The following RFX3 variants were observed in gnomAD, a reference collection of about 807,000 sequenced individuals.
The protein encoded by RFX3 is regulatory factor X3, also known as transcription factor RFX3.
In RFX3, 14 loss-of-function variants were observed where a neutral mutation model predicts 98.6. The ratio of observed to expected loss-of-function variants is 0.14; its 90% CI spans 0.09 to 0.22. The LOEUF (loss-of-function observed/expected upper bound fraction) is 0.22. RFX3 is among the 10% of genes least tolerant of loss of function. RFX3 has a pLI of 1.00. For missense variants in RFX3, 639 were observed against 926.9 expected (o/e 0.69, Z 4.03); for synonymous variants, 383 against 328.4 (o/e 1.17, Z -1.80).
chr9:3,459,617 A>G (rs1421316878), intron 1 of RFX3, among the ~76,000 whole-genome samples: 3 of 152,146 alleles, frequency 2.0e-5, no homozygotes, highest in African/African-American at 7.2e-5. Context: ...ACTTATTTAT[A>G]TAACTTTACA....
intron 1 of RFX3, among the ~76,000 whole-genome samples, chr9:3,470,354 G>A (rs1173792976): frequency 7.0e-6 from 1 of 142,916 alleles, no homozygotes; most frequent in Non-Finnish European, 1.5e-5. Flanking sequence ...TCACTCTGTC[G>A]CCCAGGCTGG....
intron 12 of RFX3, among the ~76,000 whole-genome samples, chr9:3,264,445 T>A (rs1823349991): frequency 6.6e-6 from 1 of 152,108 alleles, no homozygotes; most frequent in South Asian, 2.1e-4. Context: ...ACATGAGATG[T>A]TTGAGGACTA....
chr9:3,452,897 T>G (rs1289158642), intron 1 of RFX3, among the ~76,000 whole-genome samples: 1 of 152,174 alleles, frequency 6.6e-6, no homozygotes, highest in Non-Finnish European at 1.5e-5. Context: ...TCCAGGAGAT[T>G]AGACTAAAAT....
intron 1 of RFX3, among the ~76,000 whole-genome samples, chr9:3,442,792 A>G (rs1298784116): frequency 6.6e-6 from 1 of 152,224 alleles, no homozygotes; most frequent in Non-Finnish European, 1.5e-5. Flanking sequence ...AAGCTTCTGG[A>G]AGAAGACATA....
At chr9:3,225,539 A>T (rs41314213) in intron 16 of RFX3, among the ~76,000 whole-genome samples, 2,114 of 131,330 alleles carry the variant, frequency 0.016, 23 homozygotes, top group Admixed American at 0.021. Context: ...TAACTTTTTT[A>T]AAAAAAAAGG....
chr9:3,408,081 A>G (rs768992710), intron 1 of RFX3, among the ~76,000 whole-genome samples: 11 of 152,210 alleles, frequency 7.2e-5, no homozygotes, highest in Admixed American at 4.6e-4. Flanking sequence ...AAGAAGGGGC[A>G]ATCTCAATTC....
intron 1 of RFX3, among the ~76,000 whole-genome samples, chr9:3,519,746 C>G (rs1307833095): frequency 1.3e-5 from 2 of 152,068 alleles, no homozygotes; most frequent in African/African-American, 4.8e-5. Context: ...AAGAACAAAA[C>G]CTATTTATAC....
At chr9:3,284,565 A>AAAGC (rs1167171934) in intron 7 of RFX3, among the ~76,000 whole-genome samples, 4 of 151,688 alleles carry the variant, frequency 2.6e-5, no homozygotes, top group Non-Finnish European at 5.9e-5. Flanking sequence ...ATCAATATGC[A>AAAGC]AAGCAGTTGT....
At chr9:3,518,149 A>C (rs1818357196) in intron 1 of RFX3, among the ~76,000 whole-genome samples, 1 of 152,328 alleles carries the variant, frequency 6.6e-6, no homozygotes, top group Non-Finnish European at 1.5e-5. Flanking sequence ...AGGCTATACC[A>C]TCTAGGTGTG....
At chr9:3,357,579 G>A (rs1214262278) in intron 2 of RFX3, among the ~76,000 whole-genome samples, 5 of 151,980 alleles carry the variant, frequency 3.3e-5, no homozygotes, top group African/African-American at 4.8e-5. Context: ...AAATTTCACC[G>A]GAGGCTGGGA....
intron 2 of RFX3, among the ~76,000 whole-genome samples, chr9:3,349,008 C>G (rs1169719611): frequency 6.6e-6 from 1 of 152,094 alleles, no homozygotes; most frequent in Non-Finnish European, 1.5e-5. Flanking sequence ...CCCATTAATG[C>G]TTGCTGCTAG....
intron 9 of RFX3, 177 bp downstream of exon 9, chr9:3,275,323 C>A (rs1825063983): frequency 2.2e-6 from 1 of 454,176 alleles, no homozygotes; most frequent in East Asian, 3.4e-5. Context: ...CTGCATTCCT[C>A]ATCTCTCCAC....
chr9:3,260,352 C>T (rs1822709175), intron 13 of RFX3, among the ~76,000 whole-genome samples: 1 of 151,904 alleles, frequency 6.6e-6, no homozygotes, highest in South Asian at 2.1e-4. Flanking sequence ...AGACATATCA[C>T]TGATCATTAA....
At chr9:3,336,318 A>T (rs1009616267) in intron 3 of RFX3, among the ~76,000 whole-genome samples, 2 of 152,132 alleles carry the variant, frequency 1.3e-5, no homozygotes, top group African/African-American at 4.8e-5. Flanking sequence ...CTCTACTATT[A>T]TTAGGGCTAC....
rs149374599 is a variant in RFX3 at position 3,440,285 on chromosome 9, G to A, written c.-8-44689C>T. ...ATCAGCAAAATAAAACAAACAAAAA[G>A]TATCTAGATTTTAAAGAAAGAAATA... On this transcript the variant is annotated intron_variant, in intron 1 of 16. Transcript: ENST00000617270. Among the ~76,000 whole-genome samples, 6 of 152,026 alleles carry A rather than the reference G, an allele frequency of 3.9e-5. No homozygotes were observed. In the East Asian group the frequency reaches 9.7e-4, roughly 24 times the overall value.
chr9:3,301,326 C>A (rs570279592), intron 5 of RFX3, among the ~76,000 whole-genome samples: 2 of 151,462 alleles, frequency 1.3e-5, no homozygotes, highest in Non-Finnish European at 3.0e-5. Flanking sequence ...ATATCTGTAC[C>A]CAAAGAGTAC....
chr9:3,304,956 T>C (rs1563894469), intron 4 of RFX3, among the ~76,000 whole-genome samples: 1 of 152,038 alleles, frequency 6.6e-6, no homozygotes, highest in East Asian at 1.9e-4. Context: ...GAGGATGTAA[T>C]GAAAACTGTG....
chr9:3,361,697 A>T (rs1466936240), intron 2 of RFX3, among the ~76,000 whole-genome samples: 1 of 151,258 alleles, frequency 6.6e-6, no homozygotes, highest in African/African-American at 2.4e-5. Context: ...AATAAATTGC[A>T]AGAACTTTCG....
intron 12 of RFX3, among the ~76,000 whole-genome samples, chr9:3,263,532 T>C (rs1302442419): frequency 6.6e-6 from 1 of 152,194 alleles, no homozygotes; most frequent in African/African-American, 2.4e-5. Context: ...ATTCCTACTC[T>C]TTACATTGTA....
Sources: allele counts gnomAD v4.1 joint callset (sites outside exome capture counted in the v4.1 genomes callset), GRCh38; gene constraint gnomAD v4.1.1; transcripts MANE v1.5; gene names NCBI Gene and HGNC (gene_info 2026-07-23, HGNC 2026-07-21).